GTF2F2: variants seen among roughly 807,000 people sequenced by gnomAD.
GTF2F2 encodes ATP-dependent helicase GTF2F2.
In GTF2F2, 23 loss-of-function variants were observed where a neutral mutation model predicts 42.2. The ratio of observed to expected loss-of-function variants is 0.55; its 90% CI spans 0.39 to 0.77. The LOEUF is 0.77. GTF2F2 is among the 30% of genes least tolerant of loss of function. The probability of loss-of-function intolerance (pLI) is 0.00; values close to 1 mark genes in which losing one functional copy is unlikely to be tolerated. For missense variants in GTF2F2, 261 were observed against 287.2 expected, an observed-to-expected ratio of 0.91 and a Z score of 0.66; for synonymous variants, 105 against 100.8, an observed-to-expected ratio of 1.04 and a Z score of -0.25.
At chr13:45,130,892 T>G (rs1869308072) in intron 1 of GTF2F2, among the ~76,000 whole-genome samples, 1 of 152,164 alleles carries the variant, frequency 6.6e-6, no homozygotes, top group South Asian at 2.1e-4. Flanking sequence ...GAGCTTGTTG[T>G]AAGTTTGAGA....
At chr13:45,183,749 A>G (rs915526237) in intron 4 of GTF2F2, among the ~76,000 whole-genome samples, 2 of 152,188 alleles carry the variant, frequency 1.3e-5, no homozygotes, top group African/African-American at 4.8e-5. Context: ...GTGCATGTCA[A>G]TACTTAGTAC....
chr13:45,278,816 C>CTTTTTCTTTTTTTTTT (rs1373556965), intron 7 of GTF2F2, among the ~76,000 whole-genome samples: 1 of 62,300 alleles, frequency 1.6e-5, no homozygotes, highest in Non-Finnish European at 2.9e-5. Context: ...TTTTCTTTTT[C>CTTTTTCTTTTTTTTTT]TTTTTTTTTT....
chr13:45,262,251 G>A (rs1373396296), intron 6 of GTF2F2, among the ~76,000 whole-genome samples: 1 of 152,120 alleles, frequency 6.6e-6, no homozygotes. Flanking sequence ...TCATGCCCCT[G>A]TAGTTCCAGC....
Position 45,212,518 on chromosome 13 carries a change from TTC to T in GTF2F2, c.386+5017_386+5018del, listed in dbSNP as rs778895115. 6.6e-5 allele frequency among the ~76,000 whole-genome samples: 9 copies of T among 137,352 alleles called. 1 individual carries two copies. Among genetic ancestry groups the T allele is most frequent in the Non-Finnish European group, 1.4e-4 (9 of 62,190 alleles). 90.1% of individuals were successfully genotyped at this position (137,352 alleles called of 152,430 possible). ...TTCTTTCTTTCTTTCTTTTCTTTCT[TTC>T]TCTTTCTCTCTTTCTCACTTTCTCT... On this transcript the variant is annotated intron_variant, in intron 5 of 7. Transcript: ENST00000340473.
chr13:45,212,216 G>A (rs543672629), intron 5 of GTF2F2, among the ~76,000 whole-genome samples: 2 of 152,216 alleles, frequency 1.3e-5, no homozygotes, highest in East Asian at 3.9e-4. Context: ...CAATTTTTCA[G>A]GGCCTCCTTT....
At chr13:45,197,852 T>TA (rs1327972079) in intron 4 of GTF2F2, among the ~76,000 whole-genome samples, 1 of 152,236 alleles carries the variant, frequency 6.6e-6, no homozygotes, top group Non-Finnish European at 1.5e-5. Context: ...GCCTTGCAGA[T>TA]ACAAACCGGA....
rs533545356 is a variant in GTF2F2, at chr13:45,176,884, C to G, written c.304+25053C>G. On this transcript the variant is annotated intron_variant, in intron 4 of 7. Transcript: ENST00000340473. Reference sequence around the variant, plus strand: ...CACTGCAACCTCTGTCTCCCAGGTTCAAGCGATTCTACTGCCTCAGCCTCC... The same window carrying G: ...CACTGCAACCTCTGTCTCCCAGGTTGAAGCGATTCTACTGCCTCAGCCTCC... Among the ~76,000 whole-genome samples, 134 of 152,172 alleles carry G rather than the reference C, an allele frequency of 8.8e-4. 1 individual carries two copies. The highest frequency in any genetic ancestry group is 4.3e-3 in the Admixed American group (65 of 15,284).
intron 4 of GTF2F2, among the ~76,000 whole-genome samples, chr13:45,156,695 G>A (rs1593460102): frequency 6.6e-6 from 1 of 152,280 alleles, no homozygotes; most frequent in Admixed American, 6.5e-5. Flanking sequence ...AGATTGAGAA[G>A]CCTAGAGTGG....
chr13:45,238,856 A>G (rs1019805650), intron 5 of GTF2F2, among the ~76,000 whole-genome samples: 3 of 151,380 alleles, frequency 2.0e-5, no homozygotes, highest in Admixed American at 2.0e-4. Context: ...AGGCAGGAGA[A>G]TCTCTTGAAC....
At chr13:45,246,164 A>G (rs994838994) in intron 5 of GTF2F2, among the ~76,000 whole-genome samples, 17 of 150,734 alleles carry the variant, frequency 1.1e-4, no homozygotes, top group African/African-American at 3.9e-4. Context: ...GCCCGCCACC[A>G]TGCCCGGCTA....
At chr13:45,265,242 G>C (rs1255691339) in intron 6 of GTF2F2, among the ~76,000 whole-genome samples, 1 of 150,850 alleles carries the variant, frequency 6.6e-6, no homozygotes, top group East Asian at 1.9e-4. Flanking sequence ...CTGGGCAATA[G>C]AGTGAGACAC....
chr13:45,149,433 C>CAA (rs34165758), intron 2 of GTF2F2, among the ~76,000 whole-genome samples: 8 of 91,082 alleles, frequency 8.8e-5, no homozygotes, highest in Non-Finnish European at 1.7e-4. Flanking sequence ...ACCCTGTCTC[C>CAA]AAAAAAAAAA....
chr13:45,283,351 C>CTT, intron 7 of GTF2F2, 91 bp from the exon 8 acceptor site: 1 of 1,129,288 alleles, frequency 8.9e-7, no homozygotes, highest in African/African-American at 1.6e-5. Context: ...ATTTTTATGG[C>CTT]TTGCATATGT....
chr13:45,201,205 C>T (rs1428536586), intron 4 of GTF2F2, among the ~76,000 whole-genome samples: 1 of 152,210 alleles, frequency 6.6e-6, no homozygotes, highest in Admixed American at 6.5e-5. Flanking sequence ...CATTTCTCCT[C>T]AGTTCTTTGA....
chr13:45,230,073 G>A (rs772851035), intron 5 of GTF2F2, among the ~76,000 whole-genome samples: 40 of 152,036 alleles, frequency 2.6e-4, no homozygotes, highest in Non-Finnish European at 1.3e-4. Context: ...AAAATTAGCC[G>A]GACGTGGTGG....
intron 4 of GTF2F2, among the ~76,000 whole-genome samples, chr13:45,201,177 T>TA (rs1270023905): frequency 6.6e-6 from 1 of 152,158 alleles, no homozygotes; most frequent in African/African-American, 2.4e-5. Context: ...CTTAACTTTT[T>TA]AAAAAAAGTG....
At chr13:45,223,111 C>T (rs941797902) in intron 5 of GTF2F2, among the ~76,000 whole-genome samples, 5 of 151,824 alleles carry the variant, frequency 3.3e-5, no homozygotes, top group African/African-American at 1.2e-4. Context: ...GTCCCAGCTA[C>T]GCCTGTAGTC....
intron 2 of GTF2F2, among the ~76,000 whole-genome samples, chr13:45,142,711 A>G (rs1341578900): frequency 6.6e-6 from 1 of 152,208 alleles, no homozygotes; most frequent in African/African-American, 2.4e-5. Flanking sequence ...CTTGTTGCCT[A>G]GTTGGTCTCC....
intron 5 of GTF2F2, among the ~76,000 whole-genome samples, chr13:45,209,236 G>T (rs1010850593): frequency 5.3e-5 from 8 of 152,112 alleles, no homozygotes; most frequent in Non-Finnish European, 8.8e-5. Context: ...TTTTTCTGTT[G>T]CTTTTCTGTG....
Sources: gnomAD v4.1 joint callset for allele counts (sites outside exome capture counted in the v4.1 genomes callset) on GRCh38, gnomAD v4.1.1 for gene constraint, MANE v1.5 for transcripts, NCBI Gene and HGNC (gene_info 2026-07-23, HGNC 2026-07-21) for gene names.